SUPT6H: variants seen among roughly 807,000 people sequenced by gnomAD.
SUPT6H encodes transcription elongation factor SPT6.
In SUPT6H, 11 loss-of-function variants were observed where a neutral mutation model predicts 222.3. The ratio of observed to expected loss-of-function variants is 0.05; its 90% CI spans 0.03 to 0.08. The LOEUF (loss-of-function observed/expected upper bound fraction) is 0.08. Ranked by LOEUF, SUPT6H falls within the 10% of genes least tolerant of loss-of-function variation. The pLI, the probability that SUPT6H is intolerant of heterozygous loss-of-function variation, is 1.00. For missense variants in SUPT6H, 1,422 were observed against 2,216.0 expected (o/e 0.64, Z 7.19); for synonymous variants, 762 against 801.2 (o/e 0.95, Z 0.83).
chr17:28,697,187 A>G, intron 30 of SUPT6H, 105 bp downstream of exon 30: 1 of 881,054 alleles, frequency 1.1e-6, no homozygotes. Flanking sequence ...TAGGTATTTT[A>G]GCTGTGCACA....
At chr17:28,693,018 AG>A (rs1394458324) in intron 27 of SUPT6H, among the ~76,000 whole-genome samples, 5 of 148,860 alleles carry the variant, frequency 3.4e-5, no homozygotes, top group African/African-American at 1.0e-4. Context: ...AAAAAAAAAA[AG>A]ATTACCCAGA....
In SUPT6H at chr17:28,688,859, C is replaced by A; in HGVS notation, c.3135-495C>A. ...GTCCATGTGAGTGCACGGGCAAGACCAGCCTGGGAAGGCTTTATGGGGGAA... is the reference window on the plus strand; with the variant it reads ...GTCCATGTGAGTGCACGGGCAAGACAAGCCTGGGAAGGCTTTATGGGGGAA... On this transcript the variant is annotated intron_variant, in intron 24 of 36. Coordinates refer to ENST00000314616, the MANE Select transcript of SUPT6H (RefSeq NM_003170.5). The surrounding 1 kb of genome is among the most constrained non-coding windows in gnomAD (Gnocchi z 4.3). 1 of 164,072 alleles carries A rather than the reference C, an allele frequency of 6.1e-6. No homozygotes were observed. Among genetic ancestry groups the A allele is most frequent in the Non-Finnish European group, 1.3e-5 (1 of 75,708 alleles). 10.2% of individuals were successfully genotyped at this position (164,072 alleles called of 1,614,324 possible). A position where few individuals can be genotyped will look rare whatever the true frequency, so the allele number is the denominator to read the frequency against.
At position 28,674,749 on chromosome 17, in the gene SUPT6H, C is replaced by T. The variant is rs1297188339; in HGVS notation, c.345+136C>T. ...CACGGTGTTCGGTATCATTGTACTA[C>T]GGAGCCTAGATTTGCATCCCAGATC... is the stretch of plus-strand genomic sequence containing the variant. On this transcript the variant is annotated intron_variant, in intron 4 of 36. Transcript: ENST00000314616. The T allele has an allele frequency of 3.0e-5, 27 of 911,474 alleles. 1 individual carries two copies. In the East Asian group the frequency reaches 3.1e-4, roughly 10 times the overall value. 56.5% of individuals were successfully genotyped at this position (911,474 alleles called of 1,614,324 possible). A position where few individuals can be genotyped will look rare whatever the true frequency, so the allele number is the denominator to read the frequency against.
Position 28,684,699 on chromosome 17 carries a change from C to A in SUPT6H, c.2343C>A (p.Val781=). The A allele has an allele frequency of 6.2e-7, 1 of 1,614,212 alleles. No homozygotes were observed. Residue 781 remains valine, a synonymous_variant, in exon 18 of 37, where the codon GTC becomes GTA. Transcript: ENST00000314616. ...MDENQGKGIR[V]LGIAFSSARD... is the part of the protein sequence containing the mutation. ...AGAACCAAGGGAAGGGCATTCGAGT[C>A]CTCGGCATTGCTTTCTCCTCTGCCA...
intron 1 of SUPT6H, among the ~76,000 whole-genome samples, chr17:28,668,499 C>T (rs1447109019): frequency 6.6e-6 from 1 of 152,146 alleles, no homozygotes; most frequent in African/African-American, 2.4e-5. Context: ...CATTCCCCAG[C>T]TATAGCATAG....
In SUPT6H at chr17:28,674,393, G is replaced by A. The variant is rs369760594; in HGVS notation, c.220G>A (p.Asp74Asn). 4 of 1,613,704 alleles carry A rather than the reference G, an allele frequency of 2.5e-6. No homozygotes were observed. Among genetic ancestry groups the A allele is most frequent in the Non-Finnish European group, 3.4e-6 (4 of 1,179,830 alleles). ...EDEGEEDEGS[D>N]SGDSEDDVGH... The stretch of plus-strand genomic sequence containing the variant: ...TGAAGGGGAGGAGGATGAGGGCAGT[G>A]ACTCTGGTGATTCAGAAGATGATGT... The change falls in exon 3 of 37, where the codon GAC becomes AAC. Residue 74 changes from aspartate (D) to asparagine (N), a missense_variant. By Grantham distance (23) the Asp-to-Asn change is conservative. Around this residue, in one of 13 missense-constraint regions of SUPT6H, gnomAD observed 89 missense variants for 118.9 expected, o/e 0.75. Coordinates refer to ENST00000314616, the MANE Select transcript of SUPT6H (RefSeq NM_003170.5).
At position 28,677,724 on chromosome 17, in the gene SUPT6H, A is replaced by C. The variant is rs376077857; in HGVS notation, c.907A>C (p.Ile303Leu). ...GTCTTATCCACTCCAGCTCCGCTCCATCCCAGTCAAGGGGGCTGAAGATGA... is the reference window on the plus strand; with the variant it reads ...GTCTTATCCACTCCAGCTCCGCTCCCTCCCAGTCAAGGGGGCTGAAGATGA... ...DLPERFQLRS[I>L]PVKGAEDDEL... Residue 303 changes from isoleucine (I) to leucine (L), a missense_variant, in exon 8 of 37, where the codon ATC becomes CTC. By Grantham distance (5) the Ile-to-Leu change is conservative. Coordinates refer to ENST00000314616, the MANE Select transcript of SUPT6H (RefSeq NM_003170.5). 6.2e-7 allele frequency: 1 copy of C among 1,614,176 alleles called. No individual in the cohort carries two copies.
chr17:28,685,320 G>A (rs1268860906), intron 19 of SUPT6H, among the ~76,000 whole-genome samples: 1 of 151,926 alleles, frequency 6.6e-6, no homozygotes, highest in East Asian at 1.9e-4. Context: ...TTTTTTCCAG[G>A]GAAAGAAGAC....
chr17:28,679,518 C>A (rs2030964473), intron 11 of SUPT6H, among the ~76,000 whole-genome samples: 1 of 152,102 alleles, frequency 6.6e-6, no homozygotes, highest in Non-Finnish European at 1.5e-5. Flanking sequence ...CACTATACTC[C>A]ACACTGAGTG....
intron 31 of SUPT6H, 45 bp downstream of exon 31, chr17:28,697,778 A>G: frequency 1.9e-6 from 3 of 1,612,064 alleles, no homozygotes; most frequent in Non-Finnish European, 2.5e-6. Flanking sequence ...CAATCACTTA[A>G]GGATGTACGC....
At position 28,674,551 on chromosome 17, in the gene SUPT6H, C is replaced by A; in HGVS notation, c.283C>A (p.Arg95Ser). ...KKRKRTSFDD[R>S]LEDDDFDLIE... is the part of the protein sequence containing the mutation. ...TGTTTCTTCAGCCTCTTTTGATGAC[C>A]GCCTGGAGGATGATGATTTTGACCT... Residue 95 changes from arginine (R) to serine (S), a missense_variant, in exon 4 of 37, where the codon CGC (arginine) becomes AGC (serine). Around this residue, in one of 13 missense-constraint regions of SUPT6H, gnomAD observed 89 missense variants for 118.9 expected, o/e 0.75. Coordinates refer to ENST00000314616, the MANE Select transcript of SUPT6H (RefSeq NM_003170.5). 6.2e-7 allele frequency: 1 copy of A among 1,614,104 alleles called. No individual in the cohort carries two copies. Among genetic ancestry groups the A allele is most frequent in the Non-Finnish European group, 8.5e-7 (1 of 1,180,014 alleles).
Position 28,675,415 on chromosome 17 carries a change from A to G in SUPT6H, c.553A>G (p.Ile185Val). The change falls in exon 6 of 37, where the codon ATT (isoleucine) becomes GTT (valine). Residue 185 changes from isoleucine to valine, a missense_variant. Ile to Val is a conservative substitution (Grantham distance 29). Coordinates refer to ENST00000314616, the MANE Select transcript of SUPT6H (RefSeq NM_003170.5). ...DDEESDIDDF[I>V]VDDDGQPLKK... ...TTCCTACCCAGATATTGACGACTTC[A>G]TTGTGGATGATGATGGACAGCCTCT... 6.2e-7 allele frequency: 1 copy of G among 1,614,160 alleles called. No homozygotes were observed. The highest frequency in any genetic ancestry group is 1.1e-5 in the South Asian group (1 of 91,074).
chr17:28,675,816 A>G (rs1259067463), intron 6 of SUPT6H, among the ~76,000 whole-genome samples: 3 of 152,206 alleles, frequency 2.0e-5, no homozygotes, highest in Admixed American at 2.0e-4. Context: ...AAATGCCCGC[A>G]TCACAATTTA....
In SUPT6H at chr17:28,701,879, C is replaced by CA. The variant is rs1365767709; in HGVS notation, c.*255dup. ...GGACCAGGCTGGGAGGGGAGTGTGG[C>CA]AGGGAGGAGGAAGAGGAAGGTGAGA... On this transcript the variant is annotated 3_prime_UTR_variant, in exon 37 of 37. Transcript: ENST00000314616. 1.0e-5 allele frequency: 5 copies of CA among 501,420 alleles called. No homozygotes were observed. In the Admixed American group the frequency reaches 1.6e-4, roughly 16 times the overall value. The allele number at this position is 501,420 out of a possible 1,614,324, so 31.1% of individuals were successfully genotyped here. A position where few individuals can be genotyped will look rare whatever the true frequency, so the allele number is the denominator to read the frequency against.
In SUPT6H at chr17:28,690,966, C is replaced by T. The variant is rs369083118; in HGVS notation, c.3536C>T (p.Pro1179Leu). 5 of 1,613,916 alleles carry T rather than the reference C, an allele frequency of 3.1e-6. No individual in the cohort carries two copies. The highest frequency in any genetic ancestry group is 3.4e-6 in the Non-Finnish European group (4 of 1,180,028). ...CNVTGIAHRRPQGESYDQAIR... is the reference protein window; with the variant it reads ...CNVTGIAHRRLQGESYDQAIR... Reference sequence around the variant, plus strand: ...GTCACTGGCATTGCCCACAGGCGTCCCCAGGGTGAGAGCTATGACCAGGCG... The same window carrying T: ...GTCACTGGCATTGCCCACAGGCGTCTCCAGGGTGAGAGCTATGACCAGGCG... The change falls in exon 27 of 37, where the codon CCC becomes CTC. Residue 1179 changes from proline (P) to leucine (L), a missense_variant. Around this residue, in one of 13 missense-constraint regions of SUPT6H, gnomAD observed 60 missense variants for 96.7 expected, o/e 0.62. Transcript: ENST00000314616.
chr17:28,700,088 T>C, intron 33 of SUPT6H, 85 bp from the exon 34 acceptor site: 1 of 1,579,656 alleles, frequency 6.3e-7, no homozygotes, highest in Non-Finnish European at 8.7e-7. Context: ...TCCCTCTACC[T>C]ACTTCAGTGC....
intron 32 of SUPT6H, 133 bp downstream of exon 32, chr17:28,698,163 T>A: frequency 1.6e-6 from 2 of 1,237,282 alleles, no homozygotes; most frequent in Non-Finnish European, 2.2e-6. Context: ...AGAACAGAGG[T>A]GGAGGTTGGA....
chr17:28,696,585 CAA>C (rs368924462), intron 29 of SUPT6H, among the ~76,000 whole-genome samples: 14 of 54,006 alleles, frequency 2.6e-4, no homozygotes, highest in Non-Finnish European at 3.0e-4. Context: ...GAGACTGTCT[CAA>C]AAAAAAAAAA....
At chr17:28,674,894 G>A in intron 4 of SUPT6H, 76 bp from the exon 5 acceptor site, 1 of 1,504,708 alleles carries the variant, frequency 6.6e-7, no homozygotes, top group Non-Finnish European at 9.1e-7. Flanking sequence ...GTGGGAAGAA[G>A]GGAGTGAGAC....
Sources: allele counts gnomAD v4.1 joint callset (sites outside exome capture counted in the v4.1 genomes callset), GRCh38; gene constraint gnomAD v4.1.1; regional missense constraint gnomAD v4.1.1; non-coding constraint Gnocchi (gnomAD v3.1); transcripts MANE v1.5; gene names NCBI Gene and HGNC (gene_info 2026-07-23, HGNC 2026-07-21).